The following FGF13 variants were observed in gnomAD, a reference collection of about 807,000 sequenced individuals.
FGF13 encodes fibroblast growth factor 13.
A neutral mutation model predicts 19.5 loss-of-function variants in FGF13; 2 were observed. The observed-to-expected ratio is 0.10, with a 90% CI of 0.04 to 0.32. The LOEUF (loss-of-function observed/expected upper bound fraction) is 0.32. FGF13 is among the 10% of genes least tolerant of loss of function. The probability of loss-of-function intolerance (pLI) is 1.00; values close to 1 mark genes in which losing one functional copy is unlikely to be tolerated. For missense variants in FGF13, 113 were observed against 192.7 expected, an observed-to-expected ratio of 0.59 and a Z score of 2.45; for synonymous variants, 72 against 76.9, an observed-to-expected ratio of 0.94 and a Z score of 0.33.
rs1186654149 is a variant in FGF13, at chrX:138,779,186, A to T, written c.218-70258T>A. ...CTGTACATCACCATCATCAAAGACCAAAAGTAGATAAAACCACAAAGATGG... is the reference window on the plus strand; with the variant it reads ...CTGTACATCACCATCATCAAAGACCTAAAGTAGATAAAACCACAAAGATGG... On this transcript the variant is annotated intron_variant, in intron 3 of 6. Coordinates refer to the FGF13 transcript ENST00000436198. 1.4e-4 allele frequency among the ~76,000 whole-genome samples: 15 copies of T among 110,408 alleles called. No homozygotes were observed. The Admixed American group carries it at 1.4e-3, about 11-fold the overall frequency.
chrX:138,798,807 T>C, intron 3 of FGF13, among the ~76,000 whole-genome samples: 1 of 112,305 alleles, frequency 8.9e-6, no homozygotes. Flanking sequence ...GGTGTATGTG[T>C]CCAGTAATTT....
At chrX:139,081,838 C>T (rs962163811) in intron 1 of FGF13, among the ~76,000 whole-genome samples, 10 of 111,192 alleles carry the variant, frequency 9.0e-5, no homozygotes, top group Admixed American at 3.8e-4. Context: ...TACTTCAAGA[C>T]ACCATCATCT....
intron 3 of FGF13, among the ~76,000 whole-genome samples, chrX:138,841,611 C>T (rs1458266773): frequency 6.3e-5 from 7 of 110,303 alleles, no homozygotes; most frequent in South Asian, 3.8e-4. Flanking sequence ...CACTTTACTA[C>T]GATAAAGGAA....
At chrX:138,963,001 C>CA (rs1035719044) in intron 1 of FGF13, among the ~76,000 whole-genome samples, 1 of 109,598 alleles carries the variant, frequency 9.1e-6, no homozygotes, top group Non-Finnish European at 1.9e-5. Flanking sequence ...TAATAAAAAA[C>CA]AAAAAAGAAA....
intron 1 of FGF13, among the ~76,000 whole-genome samples, chrX:138,998,275 C>T (rs2092053068): frequency 9.0e-6 from 1 of 111,393 alleles, no homozygotes; most frequent in African/African-American, 3.3e-5. Context: ...ACTGCATCAA[C>T]TAACAGGAAA....
intron 1 of FGF13, among the ~76,000 whole-genome samples, chrX:138,956,290 G>T (rs180684145): frequency 2.1e-4 from 24 of 111,960 alleles, no homozygotes; most frequent in Non-Finnish European, 4.1e-4. Context: ...ACAAAGACAC[G>T]AGAACCAGCA....
chrX:138,919,361 G>A (rs1325360855), intron 1 of FGF13, among the ~76,000 whole-genome samples: 3 of 111,711 alleles, frequency 2.7e-5, no homozygotes, highest in Admixed American at 9.5e-5. Flanking sequence ...ATATAATCTC[G>A]AAAGTGTAAA....
intron 1 of FGF13, among the ~76,000 whole-genome samples, chrX:138,868,355 C>T (rs957467506): frequency 9.4e-6 from 1 of 106,184 alleles, no homozygotes; most frequent in Non-Finnish European, 1.9e-5. Context: ...TTCCAGCCAG[C>T]GGGGCCCAGT....
At chrX:139,147,133 TA>T (rs2083897224) in intron 1 of FGF13, among the ~76,000 whole-genome samples, 1 of 104,854 alleles carries the variant, frequency 9.5e-6, no homozygotes, top group Admixed American at 1.0e-4. Flanking sequence ...TAAAATATAA[TA>T]AAAATAAAGA....
At chrX:138,835,777 T>C (rs767914044) in intron 3 of FGF13, among the ~76,000 whole-genome samples, 195 of 111,983 alleles carry the variant, frequency 1.7e-3, no homozygotes, top group African/African-American at 6.2e-3. Context: ...TGTGTTTTTG[T>C]AGTGGCTGGT....
At chrX:138,704,299 T>C (rs1267746083) in intron 2 of FGF13, among the ~76,000 whole-genome samples, 1 of 110,954 alleles carries the variant, frequency 9.0e-6, no homozygotes, top group Non-Finnish European at 1.9e-5. Flanking sequence ...CTAGTGGGTG[T>C]CCTCCCACTA....
At chrX:139,167,259 C>T (rs142389398) in intron 1 of FGF13, among the ~76,000 whole-genome samples, 1,886 of 111,860 alleles carry the variant, frequency 0.017, 28 homozygotes, top group African/African-American at 0.046. Flanking sequence ...CTTGTATATA[C>T]CCTGTACTTG....
At chrX:138,714,888 A>G (rs1464788797), upstream of FGF13, 1 of 111,892 alleles carries the variant, frequency 8.9e-6, no homozygotes, top group Non-Finnish European at 1.9e-5. Context: ...TCCTGGGCCA[A>G]TAGTACGACA....
At chrX:138,981,821 C>T (rs757191184) in intron 1 of FGF13, among the ~76,000 whole-genome samples, 1 of 111,394 alleles carries the variant, frequency 9.0e-6, no homozygotes, top group African/African-American at 3.3e-5. Context: ...CTCTCTCTCT[C>T]CCACATATCT....
At chrX:139,094,036 T>C (rs2083455105) in intron 1 of FGF13, among the ~76,000 whole-genome samples, 1 of 111,866 alleles carries the variant, frequency 8.9e-6, no homozygotes, top group Non-Finnish European at 1.9e-5. Flanking sequence ...CTCAGCCTAA[T>C]ACAGAAATGT....
At chrX:138,663,642 C>A (rs920266901) in intron 3 of FGF13, among the ~76,000 whole-genome samples, 2 of 111,688 alleles carry the variant, frequency 1.8e-5, no homozygotes, top group African/African-American at 6.5e-5. Context: ...ATTGACTACT[C>A]TCCCTCACCC....
At position 138,623,602 on chromosome X, in the gene FGF13, A is replaced by G. The variant is rs1281161727; in HGVS notation, c.*9248T>C. 1 of 110,460 alleles carries G rather than the reference A, an allele frequency of 9.1e-6. No individual in the cohort carries two copies. The highest frequency in any genetic ancestry group is 1.9e-5 in the Non-Finnish European group (1 of 52,911). The allele number at this position is 110,460 out of a possible 1,213,427, so 9.1% of individuals were successfully genotyped here. On this transcript the variant is annotated 3_prime_UTR_variant, in exon 5 of 5. Transcript: ENST00000315930. ...AGCCTGGCCAACATGGTGAAACCCCATCTCTATCTACTAAAAATACAAAAA... is the reference window on the plus strand; with the variant it reads ...AGCCTGGCCAACATGGTGAAACCCCGTCTCTATCTACTAAAAATACAAAAA...
chrX:138,986,039 A>C (rs2091993419), intron 1 of FGF13, among the ~76,000 whole-genome samples: 1 of 111,842 alleles, frequency 8.9e-6, no homozygotes, highest in Admixed American at 9.5e-5. Flanking sequence ...ACTTCATTTT[A>C]TTTTTACAAC....
In FGF13 at chrX:138,696,547, C is replaced by T. The variant is rs756566422; in HGVS notation, c.402+6437G>A. On this transcript the variant is annotated intron_variant, in intron 3 of 4. Transcript: ENST00000315930. ...AAGGAGGTAATAGATAATGGAAAAG[C>T]GGTCAATAGTCTGGAATATGAAAAG... Among the ~76,000 whole-genome samples the T allele has an allele frequency of 3.1e-4, 35 of 111,438 alleles. No individual in the cohort carries two copies. In the East Asian group the frequency reaches 8.7e-3, roughly 28 times the overall value.
Sources: gnomAD v4.1 joint callset for allele counts (sites outside exome capture counted in the v4.1 genomes callset) on GRCh38, gnomAD v4.1.1 for gene constraint, MANE v1.5 for transcripts, NCBI Gene and HGNC (gene_info 2026-07-23, HGNC 2026-07-21) for gene names.